Variants in SPIDR observed in about 807,000 individuals in gnomAD.
SPIDR encodes the protein DNA repair-scaffolding protein.
In SPIDR, 93 loss-of-function variants were observed where a neutral mutation model predicts 104.6. The observed-to-expected ratio is 0.89, with a 90% CI of 0.75 to 1.06. SPIDR has a LOEUF of 1.06. Ranked by LOEUF, SPIDR falls within the 50% of genes least tolerant of loss-of-function variation. The probability of loss-of-function intolerance (pLI) is 0.00; values close to 1 mark genes in which losing one functional copy is unlikely to be tolerated. For missense variants in SPIDR, 1,154 were observed against 1,111.2 expected, an observed-to-expected ratio of 1.04 and a Z score of -0.55; for synonymous variants, 431 against 416.9, an observed-to-expected ratio of 1.03 and a Z score of -0.41.
chr8:47,437,236 C>A, intron 7 of SPIDR, among the ~76,000 whole-genome samples: 1 of 122,450 alleles, frequency 8.2e-6, no homozygotes, highest in African/African-American at 3.0e-5. Context: ...CAATGCTATC[C>A]CTCCCCCTCC....
intron 10 of SPIDR, among the ~76,000 whole-genome samples, chr8:47,607,861 G>A (rs2063148237): frequency 6.6e-6 from 1 of 151,930 alleles, no homozygotes; most frequent in South Asian, 2.1e-4. Context: ...GTTCTGTCAT[G>A]TATACATAGT....
intron 2 of SPIDR, 80 bp downstream of exon 2, chr8:47,280,097 T>TGAAA: frequency 1.4e-6 from 2 of 1,380,028 alleles, no homozygotes; most frequent in Non-Finnish European, 2.0e-6. Context: ...TTACATTTCA[T>TGAAA]TGTAATTCCC....
intron 19 of SPIDR, among the ~76,000 whole-genome samples, chr8:47,731,314 C>G (rs2085191056): frequency 6.6e-6 from 1 of 152,114 alleles, no homozygotes; most frequent in Non-Finnish European, 1.5e-5. Context: ...CTTTAAAGCT[C>G]CTCAGTGACC....
At chr8:47,706,150 T>A (rs2081052847) in intron 14 of SPIDR, among the ~76,000 whole-genome samples, 1 of 152,098 alleles carries the variant, frequency 6.6e-6, no homozygotes, top group African/African-American at 2.4e-5. Flanking sequence ...CCCAGAACTT[T>A]GGGAGGCCAA....
At chr8:47,447,912 T>G (rs1554703141) in intron 8 of SPIDR, among the ~76,000 whole-genome samples, 1 of 152,238 alleles carries the variant, frequency 6.6e-6, no homozygotes. Context: ...GTATGCACTT[T>G]TTTTAGATAC....
At chr8:47,265,874 T>C (rs554059211) in intron 1 of SPIDR, among the ~76,000 whole-genome samples, 1 of 152,254 alleles carries the variant, frequency 6.6e-6, no homozygotes, top group East Asian at 1.9e-4. Flanking sequence ...ATTCTTACCA[T>C]GTCTTTATAT....
intron 10 of SPIDR, among the ~76,000 whole-genome samples, chr8:47,645,279 C>T (rs746593067): frequency 1.1e-4 from 17 of 152,114 alleles, no homozygotes; most frequent in Non-Finnish European, 2.2e-4. Flanking sequence ...GGCTCAGGGT[C>T]TGTTTTAGAG....
At chr8:47,586,512 A>C (rs1359782309) in intron 8 of SPIDR, among the ~76,000 whole-genome samples, 1 of 152,172 alleles carries the variant, frequency 6.6e-6, no homozygotes, top group Non-Finnish European at 1.5e-5. Flanking sequence ...CCTTGTGCTA[A>C]TGTGCCATTT....
rs2087956210 is a variant in SPIDR at position 47,540,802 on chromosome 8, T to G, written c.1098-55009T>G. ...TAGTAGGTATTCATGAAATAACTATTAAGTGAGTTAATGGATAATGGAATT... is the reference window on the plus strand; with the variant it reads ...TAGTAGGTATTCATGAAATAACTATGAAGTGAGTTAATGGATAATGGAATT... On this transcript the variant is annotated intron_variant, in intron 8 of 19. Coordinates refer to ENST00000297423, the MANE Select transcript of SPIDR (RefSeq NM_001080394.4). Among the ~76,000 whole-genome samples, 3 of 152,198 alleles carry G rather than the reference T, an allele frequency of 2.0e-5. No homozygotes were observed. In the South Asian group the frequency reaches 6.2e-4, roughly 32 times the overall value.
intron 10 of SPIDR, among the ~76,000 whole-genome samples, chr8:47,626,142 A>T (rs2066059777): frequency 6.6e-6 from 1 of 152,328 alleles, no homozygotes; most frequent in East Asian, 1.9e-4. Context: ...TGGGGAAAGG[A>T]TTCCCTATTT....
intron 8 of SPIDR, among the ~76,000 whole-genome samples, chr8:47,479,576 G>T (rs182585993): frequency 3.9e-5 from 6 of 152,144 alleles, no homozygotes; most frequent in Non-Finnish European, 7.4e-5. Context: ...GGGGCAGTAG[G>T]GGGGAATGCA....
chr8:47,302,538 C>A lies in SPIDR; in HGVS notation c.525+8508C>A, dbSNP rs147302483. Among the ~76,000 whole-genome samples, 25 of 152,202 alleles carry A rather than the reference C, an allele frequency of 1.6e-4. No individual in the cohort carries two copies. The East Asian group carries it at 4.6e-3, about 28-fold the overall frequency. On this transcript the variant is annotated intron_variant, in intron 5 of 19. Coordinates refer to ENST00000297423, the MANE Select transcript of SPIDR (RefSeq NM_001080394.4). ...GAGGCACTCTGATTTTTAGAGTTTC[C>A]AGTTTTTCTGCTCTGTTTTTTCCCC...
intron 8 of SPIDR, among the ~76,000 whole-genome samples, chr8:47,479,003 T>G (rs1210660011): frequency 6.6e-6 from 1 of 152,144 alleles, no homozygotes; most frequent in Non-Finnish European, 1.5e-5. Flanking sequence ...TTCTTTGTTT[T>G]GGTTAGGAAG....
intron 1 of SPIDR, among the ~76,000 whole-genome samples, chr8:47,263,804 A>T (rs1207728315): frequency 2.0e-5 from 3 of 152,210 alleles, no homozygotes; most frequent in Non-Finnish European, 4.4e-5. Context: ...AAATTATCCC[A>T]GCTGTAAATG....
intron 10 of SPIDR, among the ~76,000 whole-genome samples, chr8:47,627,280 C>G (rs1310915380): frequency 1.3e-5 from 2 of 151,906 alleles, no homozygotes; most frequent in African/African-American, 4.8e-5. Flanking sequence ...GGAGATATAC[C>G]TAATGCTAAA....
chr8:47,332,014 T>TTTTTTTTTTTTTTTTTG (rs2048851348), intron 5 of SPIDR, among the ~76,000 whole-genome samples: 1 of 106,930 alleles, frequency 9.4e-6, no homozygotes, highest in Non-Finnish European at 1.9e-5. Context: ...TTTTTTTTAT[T>TTTTTTTTTTTTTTTTTG]ATACTCTAAG....
At chr8:47,729,635 A>G (rs1196844761) in intron 19 of SPIDR, 170 bp downstream of exon 19, 1 of 683,720 alleles carries the variant, frequency 1.5e-6, no homozygotes, top group Non-Finnish European at 2.4e-6. Flanking sequence ...ATTCAGACTG[A>G]TAGGTTCCTT....
chr8:47,646,280 G>C (rs2070338832), intron 10 of SPIDR, among the ~76,000 whole-genome samples: 1 of 152,238 alleles, frequency 6.6e-6, no homozygotes, highest in South Asian at 2.1e-4. Context: ...GTGAGGCTGA[G>C]GGGCAATAAA....
At chr8:47,566,433 A>T (rs1338613242) in intron 8 of SPIDR, among the ~76,000 whole-genome samples, 3 of 152,006 alleles carry the variant, frequency 2.0e-5, no homozygotes, top group Non-Finnish European at 4.4e-5. Context: ...TGCAGCTTTA[A>T]GTGAGTAGTC....
Sources: allele counts gnomAD v4.1 joint callset (sites outside exome capture counted in the v4.1 genomes callset), GRCh38; gene constraint gnomAD v4.1.1; transcripts MANE v1.5; gene names NCBI Gene and HGNC (gene_info 2026-07-23, HGNC 2026-07-21).